ABLIM2: variants seen among roughly 807,000 people sequenced by gnomAD.
The protein encoded by ABLIM2 is actin binding LIM protein family member 2.
In ABLIM2, 53 loss-of-function variants were observed where a neutral mutation model predicts 97.7. The observed-to-expected ratio is 0.54, with a 90% CI of 0.44 to 0.68. The LOEUF is 0.68. Among genes scored for constraint, ABLIM2 ranks in the 30% least tolerant of loss-of-function variants. The pLI is 0.00. For synonymous variants in ABLIM2, 361 were observed against 345.8 expected, an observed-to-expected ratio of 1.04 and a Z score of -0.49; for missense variants, 835 against 867.2, an observed-to-expected ratio of 0.96 and a Z score of 0.47.
intron 10 of ABLIM2, 23 bp from the exon 11 acceptor site, chr4:8,029,799 T>G (rs769996812): frequency 2.6e-6 from 4 of 1,562,932 alleles, no homozygotes; most frequent in Non-Finnish European, 3.5e-6. Flanking sequence ...ATGCAGCTTG[T>G]GAACACTGGA....
At chr4:8,121,105 CT>C (rs1845210297) in intron 1 of ABLIM2, among the ~76,000 whole-genome samples, 1 of 152,230 alleles carries the variant, frequency 6.6e-6, no homozygotes, top group Admixed American at 6.5e-5. Context: ...CAGCTGGGGA[CT>C]GGCTGGCTCC....
rs899546270 is a variant in ABLIM2, at chr4:8,150,493, C to A, written c.10+8187G>T. On this transcript the variant is annotated intron_variant, in intron 1 of 20. Coordinates refer to ENST00000447017, the MANE Select transcript of ABLIM2 (RefSeq NM_001130083.2). This position sits in a 1 kb window ranked among gnomAD's most constrained non-coding sequence, Gnocchi z 6.3. ...GCATGCTAGCCGCAGTGACACTGAG[C>A]ACTTTTCTTGGTGCGCTGGCTGGAC... is the stretch of plus-strand genomic sequence containing the variant. 6.6e-6 allele frequency among the ~76,000 whole-genome samples: 1 copy of A among 152,198 alleles called. No homozygotes were observed. The highest frequency in any genetic ancestry group is 6.5e-5 in the Admixed American group (1 of 15,278).
chr4:7,973,267 T>C (rs955397516), intron 20 of ABLIM2, among the ~76,000 whole-genome samples: 1 of 151,926 alleles, frequency 6.6e-6, no homozygotes, highest in Non-Finnish European at 1.5e-5. Context: ...TCCCAGCAGT[T>C]TGGGGGGCTG....
At position 8,058,444 on chromosome 4, in the gene ABLIM2, G is replaced by A. The variant is rs1163295114; in HGVS notation, c.763+2523C>T. On this transcript the variant is annotated intron_variant, in intron 7 of 20. Coordinates refer to ENST00000447017, the MANE Select transcript of ABLIM2 (RefSeq NM_001130083.2). This position sits in a 1 kb window ranked among gnomAD's most constrained non-coding sequence, Gnocchi z 4.2. ...TTCAACAGCCCGCAGGCACCTGCAC[G>A]GCAGACGCTCTGACAGCAGCTCTCC... Among the ~76,000 whole-genome samples, 4 of 152,222 alleles carry A rather than the reference G, an allele frequency of 2.6e-5. No individual in the cohort carries two copies. Among genetic ancestry groups the A allele is most frequent in the South Asian group, 2.1e-4 (1 of 4,834 alleles).
rs1778387604 is a variant in ABLIM2, at chr4:8,027,847, C to T, written c.1179G>A (p.Val393=). The change falls in exon 12 of 21, where the codon GTG becomes GTA. Residue 393 remains valine (V), a synonymous_variant. Transcript: ENST00000447017. The stretch of plus-strand genomic sequence containing the variant: ...AGAGGCAGCTACTGGTACCCACACT[C>T]ACAGTACCAGCTACGGGGTAACAGA... ...PQHYSRPAGT[V]SVGTSSCLSL... The T allele has an allele frequency of 6.3e-7, 1 of 1,593,786 alleles. No homozygotes were observed. The highest frequency in any genetic ancestry group is 2.3e-5 in the East Asian group (1 of 42,930).
intron 3 of ABLIM2, among the ~76,000 whole-genome samples, chr4:8,092,712 C>G (rs1014481219): frequency 6.6e-6 from 1 of 152,200 alleles, no homozygotes; most frequent in African/African-American, 2.4e-5. Flanking sequence ...GGAAAAAGCA[C>G]AGCTCACAAG....
chr4:8,021,440 C>A lies in ABLIM2; in HGVS notation c.1268-1137G>T, dbSNP rs1280977939. ...CCAAGGCCCCGTTCCTCCCACCTGC[C>A]AGCCCCAGGAAGCCCCCTCAGCACT... is the stretch of plus-strand genomic sequence containing the variant. On this transcript the variant is annotated intron_variant, in intron 12 of 20. Coordinates refer to ENST00000447017, the MANE Select transcript of ABLIM2 (RefSeq NM_001130083.2). The surrounding 1 kb of genome is among the most constrained non-coding windows in gnomAD (Gnocchi z 5.5). 6.6e-6 allele frequency among the ~76,000 whole-genome samples: 1 copy of A among 152,210 alleles called. No homozygotes were observed. Among genetic ancestry groups the A allele is most frequent in the Admixed American group, 6.5e-5 (1 of 15,286 alleles).
At chr4:8,018,539 C>T (rs1168128360) in intron 14 of ABLIM2, among the ~76,000 whole-genome samples, 1 of 152,196 alleles carries the variant, frequency 6.6e-6, no homozygotes, top group Non-Finnish European at 1.5e-5. Context: ...AAACTCAAGA[C>T]ATTTCATTCA....
rs780121916 is a variant in ABLIM2, at chr4:7,998,658, A to G, written c.1619-5731T>C. ...GCAGGAGGAAAACACCTGCCTCGTC[A>G]CCTTTTGCCACCACATGGGAGGCTG... On this transcript the variant is annotated intron_variant, in intron 16 of 20. Coordinates refer to ENST00000447017, the MANE Select transcript of ABLIM2 (RefSeq NM_001130083.2). The surrounding 1 kb of genome is among the most constrained non-coding windows in gnomAD (Gnocchi z 6.4). 4 of 508,708 alleles carry G rather than the reference A, an allele frequency of 7.9e-6. No homozygotes were observed. Among genetic ancestry groups the G allele is most frequent in the Admixed American group, 2.0e-5 (1 of 50,360 alleles). The allele number at this position is 508,708 out of a possible 1,614,324, so 31.5% of individuals were successfully genotyped here. A position where few individuals can be genotyped will look rare whatever the true frequency, so the allele number is the denominator to read the frequency against.
In ABLIM2 at chr4:7,992,862, C is replaced by T. The variant is rs1750013227; in HGVS notation, c.1680+4G>A. On this transcript the variant is annotated splice_donor_region_variant and intron_variant, in intron 17 of 20. Coordinates refer to ENST00000447017, the MANE Select transcript of ABLIM2 (RefSeq NM_001130083.2). The surrounding 1 kb of genome is among the most constrained non-coding windows in gnomAD (Gnocchi z 5.7). ...CCTGTGGCCAGGGAGGGGTCAGTAC[C>T]TACCCGCTGGTCCAAGCCATTCTTT... is the stretch of plus-strand genomic sequence containing the variant. 13 of 1,612,174 alleles carry T rather than the reference C, an allele frequency of 8.1e-6. No individual in the cohort carries two copies. The highest frequency in any genetic ancestry group is 1.1e-5 in the Non-Finnish European group (13 of 1,179,404).
rs1781691216 is a variant in ABLIM2, at chr4:8,032,641, T to C, written c.1048-2865A>G. 2 of 1,611,810 alleles carry C rather than the reference T, an allele frequency of 1.2e-6. No homozygotes were observed. The highest frequency in any genetic ancestry group is 1.7e-6 in the Non-Finnish European group (2 of 1,179,714). Reference sequence around the variant, plus strand: ...CAAGCGGGGACAGGCGAGAGGGTGGTGGTTACCTCGGTCGGCGTTGGCGAG... The same window carrying C: ...CAAGCGGGGACAGGCGAGAGGGTGGCGGTTACCTCGGTCGGCGTTGGCGAG... On this transcript the variant is annotated intron_variant, in intron 10 of 20. Transcript: ENST00000447017. The surrounding 1 kb of genome is among the most constrained non-coding windows in gnomAD (Gnocchi z 4.3).
rs146583623 is a variant in ABLIM2 at position 8,149,557 on chromosome 4, T to C, written c.10+9123A>G. Among the ~76,000 whole-genome samples the C allele has an allele frequency of 8.8e-4, 133 of 151,884 alleles. No individual in the cohort carries two copies. The East Asian group carries it at 0.024, about 27-fold the overall frequency. On this transcript the variant is annotated intron_variant, in intron 1 of 20. Coordinates refer to ENST00000447017, the MANE Select transcript of ABLIM2 (RefSeq NM_001130083.2). This position sits in a 1 kb window ranked among gnomAD's most constrained non-coding sequence, Gnocchi z 6.4. The stretch of plus-strand genomic sequence containing the variant: ...TGGGAAGAAAGCTTCACAGAGGCCC[T>C]GGAGTCCGGCAGAGCCTTGAAAGGG...
chr4:8,092,063 T>C (rs538384885), intron 3 of ABLIM2, among the ~76,000 whole-genome samples: 23 of 149,328 alleles, frequency 1.5e-4, no homozygotes, highest in African/African-American at 5.4e-4. Flanking sequence ...ACTGGCACAA[T>C]GTTGGCTCAC....
intron 17 of ABLIM2, among the ~76,000 whole-genome samples, chr4:7,989,722 A>G (rs1747180520): frequency 6.6e-6 from 1 of 152,190 alleles, no homozygotes; most frequent in Admixed American, 6.5e-5. Context: ...CTAATCTGAC[A>G]GTCTCTGTCT....
Position 7,992,884 on chromosome 4 carries a change from C to T in ABLIM2, c.1662G>A (p.Lys554=), listed in dbSNP as rs759520777. Residue 554 remains lysine, a synonymous_variant, in exon 17 of 21, where the codon AAG becomes AAA. Coordinates refer to ENST00000447017, the MANE Select transcript of ABLIM2 (RefSeq NM_001130083.2). This position sits in a 1 kb window ranked among gnomAD's most constrained non-coding sequence, Gnocchi z 5.7. The stretch of plus-strand genomic sequence containing the variant: ...TACCTACCCGCTGGTCCAAGCCATT[C>T]TTTCCATGTCCTGGGAGAGGGTCAG... ...SKSDPLPGHG[K]NGLDQRNANL... is the part of the protein sequence containing the mutation. The T allele has an allele frequency of 6.2e-7, 1 of 1,613,096 alleles. No homozygotes were observed. The highest frequency in any genetic ancestry group is 1.7e-5 in the Admixed American group (1 of 59,942).
At chr4:8,157,168 T>C (rs1715626065) in intron 1 of ABLIM2, among the ~76,000 whole-genome samples, 2 of 152,252 alleles carry the variant, frequency 1.3e-5, no homozygotes, top group South Asian at 4.1e-4. Flanking sequence ...AACCCCAGTC[T>C]CTGCCCCCAA....
chr4:8,112,627 G>A lies in ABLIM2; in HGVS notation c.11-5990C>T, dbSNP rs1174810099. On this transcript the variant is annotated intron_variant, in intron 1 of 20. Transcript: ENST00000447017. This position sits in a 1 kb window ranked among gnomAD's most constrained non-coding sequence, Gnocchi z 4.2. ...GAGCGGGAGTCCACAAGCATTTTCA[G>A]GAAAAGGCAAGACAGTAAATACAGT... Among the ~76,000 whole-genome samples, 1 of 152,180 alleles carries A rather than the reference G, an allele frequency of 6.6e-6. No individual in the cohort carries two copies. Among genetic ancestry groups the A allele is most frequent in the Non-Finnish European group, 1.5e-5 (1 of 68,048 alleles).
chr4:8,059,237 AG>A (rs1375087547), intron 7 of ABLIM2, among the ~76,000 whole-genome samples: 5 of 152,116 alleles, frequency 3.3e-5, no homozygotes, highest in Admixed American at 6.6e-5. Context: ...CACCCCAAAC[AG>A]GACTAGCAGG....
chr4:8,069,293 G>A lies in ABLIM2; in HGVS notation c.676-8239C>T, dbSNP rs1207654285. Among the ~76,000 whole-genome samples the A allele has an allele frequency of 3.3e-5, 5 of 152,280 alleles. No individual in the cohort carries two copies. The highest frequency in any genetic ancestry group is 1.2e-4 in the African/African-American group (5 of 41,486). On this transcript the variant is annotated intron_variant, in intron 6 of 20. Coordinates refer to ENST00000447017, the MANE Select transcript of ABLIM2 (RefSeq NM_001130083.2). This position sits in a 1 kb window ranked among gnomAD's most constrained non-coding sequence, Gnocchi z 4.2. ...AGGCAACACGGTGCCCAGGAGGCCA[G>A]CCTGAGCGGCCCTAGAGGACCAGAG...
Sources: gnomAD v4.1 joint callset for allele counts (sites outside exome capture counted in the v4.1 genomes callset) on GRCh38, gnomAD v4.1.1 for gene constraint, Gnocchi (gnomAD v3.1) non-coding constraint, MANE v1.5 for transcripts, NCBI Gene and HGNC (gene_info 2026-07-23, HGNC 2026-07-21) for gene names.